DNAJC1: variants seen among roughly 807,000 people sequenced by gnomAD.
DNAJC1 encodes the protein dnaJ homolog subfamily C member 1.
A neutral mutation model predicts 76.6 loss-of-function variants in DNAJC1; 58 were observed. That is an observed-to-expected ratio of 0.76 (90% CI 0.61 to 0.94). The LOEUF is 0.94. DNAJC1 is among the 40% of genes least tolerant of loss of function. DNAJC1 has a pLI of 0.00. For missense variants in DNAJC1, 689 were observed against 677.3 expected (o/e 1.02, Z -0.19); for synonymous variants, 258 against 267.9 (o/e 0.96, Z 0.36).
intron 8 of DNAJC1, among the ~76,000 whole-genome samples, chr10:21,851,796 T>A (rs1223372327): frequency 6.6e-6 from 1 of 152,166 alleles, no homozygotes; most frequent in Non-Finnish European, 1.5e-5. Context: ...GGTTCATGCC[T>A]GTAATCCCAG....
intron 8 of DNAJC1, among the ~76,000 whole-genome samples, chr10:21,840,764 G>A (rs575439751): frequency 9.2e-5 from 14 of 152,110 alleles, no homozygotes; most frequent in Non-Finnish European, 1.3e-4. Context: ...TTTAAAGTTC[G>A]TATGGAACCA....
At chr10:21,975,418 A>G (rs1838046599) in intron 1 of DNAJC1, among the ~76,000 whole-genome samples, 1 of 152,206 alleles carries the variant, frequency 6.6e-6, no homozygotes, top group Non-Finnish European at 1.5e-5. Context: ...GCTGGGGGAA[A>G]AAACATGAAG....
chr10:21,829,771 AG>A (rs1835326228), intron 8 of DNAJC1, among the ~76,000 whole-genome samples: 1 of 152,242 alleles, frequency 6.6e-6, no homozygotes, highest in Non-Finnish European at 1.5e-5. Context: ...TGGTAATTAT[AG>A]CCTATTTTCA....
At chr10:21,830,191 T>C (rs967937601) in intron 8 of DNAJC1, among the ~76,000 whole-genome samples, 5 of 152,232 alleles carry the variant, frequency 3.3e-5, no homozygotes, top group Non-Finnish European at 1.5e-5. Flanking sequence ...TTCCCTGTTT[T>C]GTCACAACTT....
intron 8 of DNAJC1, among the ~76,000 whole-genome samples, chr10:21,869,965 A>G (rs911157953): frequency 6.6e-6 from 1 of 152,130 alleles, no homozygotes; most frequent in Admixed American, 6.5e-5. Context: ...GTATTTTATA[A>G]GTCAAGCATG....
At chr10:21,993,148 TACTCATAAATTTATATACTCAGCCTATAC>T (rs1838354476) in intron 1 of DNAJC1, among the ~76,000 whole-genome samples, 1 of 152,186 alleles carries the variant, frequency 6.6e-6, no homozygotes, top group Non-Finnish European at 1.5e-5. Flanking sequence ...GAACATTTTA[TACTCATAAATTTATATACTCAGCCTATAC>T]ACTCATAAAT....
chr10:21,889,851 G>T (rs1393452822), intron 7 of DNAJC1, among the ~76,000 whole-genome samples: 1 of 152,136 alleles, frequency 6.6e-6, no homozygotes, highest in Non-Finnish European at 1.5e-5. Flanking sequence ...CTCTAATACA[G>T]GCAAACAAGA....
intron 1 of DNAJC1, among the ~76,000 whole-genome samples, chr10:21,932,910 T>C (rs1247355142): frequency 6.6e-6 from 1 of 152,098 alleles, no homozygotes; most frequent in Non-Finnish European, 1.5e-5. Context: ...TACAGGCAAA[T>C]GTATTAGCCA....
intron 9 of DNAJC1, among the ~76,000 whole-genome samples, chr10:21,766,864 G>C (rs1195823674): frequency 1.3e-5 from 2 of 151,818 alleles, no homozygotes; most frequent in Admixed American, 6.6e-5. Context: ...CAGCTACTCG[G>C]GAGGCTGAGG....
In DNAJC1 at chr10:21,928,935, C is replaced by T. The variant is rs539534821; in HGVS notation, c.324+105G>A. The T allele has an allele frequency of 8.9e-6, 6 of 673,040 alleles. No homozygotes were observed. In the Admixed American group the frequency reaches 2.2e-4, roughly 25 times the overall value. The allele number at this position is 673,040 out of a possible 1,614,324, so 41.7% of individuals were successfully genotyped here. The stretch of plus-strand genomic sequence containing the variant: ...ATATACACTATATTTTAAACTACTA[C>T]CTCATTTTCAAATGAAAATATTCCA... On this transcript the variant is annotated intron_variant, in intron 2 of 11. Transcript: ENST00000376980.
At chr10:21,854,744 T>A (rs1330296984) in intron 8 of DNAJC1, among the ~76,000 whole-genome samples, 1 of 152,180 alleles carries the variant, frequency 6.6e-6, no homozygotes, top group Non-Finnish European at 1.5e-5. Context: ...AATTATAAGA[T>A]ACACTTATAA....
At chr10:21,826,349 TCTCA>T (rs948999205) in intron 8 of DNAJC1, among the ~76,000 whole-genome samples, 3 of 151,818 alleles carry the variant, frequency 2.0e-5, no homozygotes, top group African/African-American at 4.8e-5. Flanking sequence ...AGAGATAGAG[TCTCA>T]CTATGTTGCC....
intron 1 of DNAJC1, among the ~76,000 whole-genome samples, chr10:21,973,617 T>C (rs371407887): frequency 6.6e-6 from 1 of 152,044 alleles, no homozygotes. Flanking sequence ...CTGAAGTTAA[T>C]CATATTGGGT....
At chr10:21,802,485 T>C (rs1834824306) in intron 9 of DNAJC1, among the ~76,000 whole-genome samples, 1 of 152,140 alleles carries the variant, frequency 6.6e-6, no homozygotes, top group South Asian at 2.1e-4. Flanking sequence ...GCTATACAAA[T>C]GAATTGGGAA....
chr10:21,861,915 A>T (rs1049449914), intron 8 of DNAJC1, among the ~76,000 whole-genome samples: 5 of 151,176 alleles, frequency 3.3e-5, no homozygotes, highest in African/African-American at 4.9e-5. Context: ...TTTATTTTTT[A>T]TTTATTTATT....
chr10:21,935,737 A>G (rs1837301870), intron 1 of DNAJC1, among the ~76,000 whole-genome samples: 1 of 152,172 alleles, frequency 6.6e-6, no homozygotes, highest in Non-Finnish European at 1.5e-5. Flanking sequence ...GAAGCAACTT[A>G]TCATGTATAA....
At chr10:21,790,089 A>C (rs531627077) in intron 9 of DNAJC1, among the ~76,000 whole-genome samples, 1 of 148,690 alleles carries the variant, frequency 6.7e-6, no homozygotes, top group African/African-American at 2.4e-5. Context: ...AAAATCTCTG[A>C]GTTTGAACAC....
intron 8 of DNAJC1, among the ~76,000 whole-genome samples, chr10:21,832,297 T>G (rs896258735): frequency 6.6e-6 from 1 of 152,210 alleles, no homozygotes; most frequent in African/African-American, 2.4e-5. Flanking sequence ...ATTTCTCTCC[T>G]AGATGTTTTT....
At chr10:21,769,409 T>G (rs1287959930) in intron 9 of DNAJC1, among the ~76,000 whole-genome samples, 2 of 152,196 alleles carry the variant, frequency 1.3e-5, no homozygotes, top group East Asian at 3.8e-4. Context: ...TTATCCTGAT[T>G]TTACAGAATC....
Sources: allele counts gnomAD v4.1 joint callset (sites outside exome capture counted in the v4.1 genomes callset), GRCh38; gene constraint gnomAD v4.1.1; transcripts MANE v1.5; gene names NCBI Gene and HGNC (gene_info 2026-07-23, HGNC 2026-07-21).